The following RBMS3 variants were observed in gnomAD, a reference collection of about 807,000 sequenced individuals.
RBMS3 encodes RNA-binding motif, single-stranded-interacting protein 3.
A neutral mutation model predicts 66.8 loss-of-function variants in RBMS3; 27 were observed. That is an observed-to-expected ratio of 0.40 (90% CI 0.30 to 0.56). The LOEUF (loss-of-function observed/expected upper bound fraction) is 0.56, where lower values mean the gene tolerates loss of function less well. RBMS3 is among the 20% of genes least tolerant of loss of function. The pLI, the probability that RBMS3 is intolerant of heterozygous loss-of-function variation, is 0.40. For missense variants in RBMS3, 513 were observed against 549.5 expected (o/e 0.93, Z 0.66); for synonymous variants, 188 against 183.0 (o/e 1.03, Z -0.22).
intron 3 of RBMS3, among the ~76,000 whole-genome samples, chr3:29,529,481 GAGA>G (rs1426097385): frequency 1.3e-5 from 2 of 152,124 alleles, no homozygotes; most frequent in African/African-American, 4.8e-5. Flanking sequence ...ATGATTCTGT[GAGA>G]AGAATTTAGT....
intron 8 of RBMS3, among the ~76,000 whole-genome samples, chr3:29,887,911 G>A (rs962489789): frequency 2.0e-5 from 3 of 151,612 alleles, no homozygotes; most frequent in African/African-American, 4.8e-5. Context: ...AAAATAAATC[G>A]AGGTTTCAAC....
At chr3:29,695,981 T>C (rs1419427876) in intron 4 of RBMS3, among the ~76,000 whole-genome samples, 2 of 152,204 alleles carry the variant, frequency 1.3e-5, no homozygotes, top group Non-Finnish European at 2.9e-5. Flanking sequence ...GGGGGGTCAC[T>C]AAACCAAGAC....
At chr3:29,726,935 T>C (rs1479491593) in intron 4 of RBMS3, among the ~76,000 whole-genome samples, 2 of 152,156 alleles carry the variant, frequency 1.3e-5, no homozygotes, top group African/African-American at 4.8e-5. Flanking sequence ...TGAATGAAGC[T>C]GGAGGCATCA....
intron 12 of RBMS3, among the ~76,000 whole-genome samples, chr3:29,963,128 A>G (rs1196811110): frequency 6.6e-6 from 1 of 152,102 alleles, no homozygotes; most frequent in Admixed American, 6.6e-5. Flanking sequence ...ACTCAACACA[A>G]AATTATAACT....
intron 1 of RBMS3, among the ~76,000 whole-genome samples, chr3:29,364,612 CT>C (rs2037792334): frequency 6.6e-6 from 1 of 152,144 alleles, no homozygotes; most frequent in African/African-American, 2.4e-5. Context: ...TCTTCACATA[CT>C]TTACATTTTC....
chr3:29,430,079 C>A (rs752653212), intron 1 of RBMS3, among the ~76,000 whole-genome samples: 1 of 152,016 alleles, frequency 6.6e-6, no homozygotes, highest in Non-Finnish European at 1.5e-5. Flanking sequence ...ATTCCGGGAA[C>A]TTTCTGCCAA....
intron 12 of RBMS3, among the ~76,000 whole-genome samples, chr3:29,984,820 T>C (rs935319877): frequency 5.9e-5 from 9 of 152,024 alleles, no homozygotes; most frequent in Non-Finnish European, 1.2e-4. Context: ...GATGCCTGTA[T>C]GAGGTGTCTG....
chr3:29,398,730 T>C (rs1439297336), intron 1 of RBMS3, among the ~76,000 whole-genome samples: 2 of 152,254 alleles, frequency 1.3e-5, no homozygotes, highest in East Asian at 3.9e-4. Flanking sequence ...ATCCTTGTCA[T>C]GTGCTGCAGG....
At chr3:29,909,557 A>C (rs1451438602) in intron 10 of RBMS3, among the ~76,000 whole-genome samples, 1 of 152,224 alleles carries the variant, frequency 6.6e-6, no homozygotes, top group East Asian at 1.9e-4. Flanking sequence ...GTCTAGGGGC[A>C]GTGGTGAGTC....
chr3:29,365,637 C>T (rs2037859217), intron 1 of RBMS3, among the ~76,000 whole-genome samples: 2 of 152,178 alleles, frequency 1.3e-5, no homozygotes, highest in African/African-American at 4.8e-5. Flanking sequence ...CACCTTTGCT[C>T]TCTTAGGTAT....
At chr3:29,905,329 C>G (rs1340521317) in intron 10 of RBMS3, among the ~76,000 whole-genome samples, 1 of 151,926 alleles carries the variant, frequency 6.6e-6, no homozygotes, top group Non-Finnish European at 1.5e-5. Flanking sequence ...TTTAAAATGC[C>G]ATATGTTTTC....
intron 1 of RBMS3, among the ~76,000 whole-genome samples, chr3:29,324,443 C>T (rs2035195379): frequency 6.6e-6 from 1 of 152,198 alleles, no homozygotes; most frequent in African/African-American, 2.4e-5. Context: ...GTAATTGGTT[C>T]TCTTTCAAAA....
intron 6 of RBMS3, among the ~76,000 whole-genome samples, chr3:29,853,588 T>A (rs1043633855): frequency 6.6e-6 from 1 of 152,056 alleles, no homozygotes; most frequent in African/African-American, 2.4e-5. Flanking sequence ...CGACAGATGA[T>A]TGGCTACTTC....
intron 3 of RBMS3, among the ~76,000 whole-genome samples, chr3:29,512,535 A>G (rs1452578655): frequency 6.6e-6 from 1 of 152,180 alleles, no homozygotes; most frequent in South Asian, 2.1e-4. Context: ...TATAAACATA[A>G]TTCTATTTAT....
chr3:29,645,343 G>T (rs1248409721), intron 4 of RBMS3, among the ~76,000 whole-genome samples: 2 of 152,180 alleles, frequency 1.3e-5, no homozygotes, highest in Non-Finnish European at 2.9e-5. Flanking sequence ...AATGAGTTGG[G>T]CTTTGTAAAA....
At chr3:29,368,336 T>G (rs2038016552) in intron 1 of RBMS3, among the ~76,000 whole-genome samples, 2 of 152,154 alleles carry the variant, frequency 1.3e-5, no homozygotes, top group African/African-American at 4.8e-5. Flanking sequence ...TTGTCCTTAC[T>G]GAGATGTGGA....
intron 8 of RBMS3, among the ~76,000 whole-genome samples, chr3:29,892,781 T>G (rs2060031647): frequency 1.3e-5 from 2 of 150,996 alleles, no homozygotes; most frequent in African/African-American, 4.8e-5. Context: ...AGTTCCCCAG[T>G]AGCATGACAT....
chr3:29,948,919 AG>A (rs1348252948), intron 12 of RBMS3, among the ~76,000 whole-genome samples: 1 of 151,792 alleles, frequency 6.6e-6, no homozygotes, highest in African/African-American at 2.4e-5. Flanking sequence ...AAGGTTATAA[AG>A]AAATGTCATG....
chr3:29,409,558 G>T (rs879601907), intron 1 of RBMS3, among the ~76,000 whole-genome samples: 2 of 152,202 alleles, frequency 1.3e-5, no homozygotes, highest in Admixed American at 6.5e-5. Context: ...GGTTCCAAAA[G>T]GCTGAGTAGT....
Sources: gnomAD v4.1 joint callset for allele counts (sites outside exome capture counted in the v4.1 genomes callset) on GRCh38, gnomAD v4.1.1 for gene constraint, MANE v1.5 for transcripts, NCBI Gene and HGNC (gene_info 2026-07-23, HGNC 2026-07-21) for gene names.